MTMR9: variants seen among roughly 807,000 people sequenced by gnomAD.
The protein encoded by MTMR9 is myotubularin related protein 9, also known as myotubularin-related protein 9.
MTMR9 carries 39 observed loss-of-function variants against 69.5 expected under a neutral mutation model. The ratio of observed to expected loss-of-function variants is 0.56; its 90% CI spans 0.43 to 0.73. MTMR9 has a LOEUF of 0.73. Among genes scored for constraint, MTMR9 ranks in the 30% least tolerant of loss-of-function variants. MTMR9 has a pLI of 0.00. For synonymous variants in MTMR9, 354 were observed against 240.8 expected, an observed-to-expected ratio of 1.47 and a Z score of -4.35; for missense variants, 900 against 671.2, an observed-to-expected ratio of 1.34 and a Z score of -3.77.
chr8:11,285,123 C>A, intron 1 of MTMR9, 53 bp downstream of exon 1: 2 of 1,455,706 alleles, frequency 1.4e-6, no homozygotes, highest in Non-Finnish European at 1.8e-6. Context: ...CCCTTGTGGG[C>A]GCCCCGGGAA....
intron 1 of MTMR9, among the ~76,000 whole-genome samples, chr8:11,288,807 C>T (rs1411040307): frequency 6.6e-6 from 1 of 152,178 alleles, no homozygotes; most frequent in African/African-American, 2.4e-5. Context: ...TGGCTGCTGG[C>T]AGAAAATAAA....
chr8:11,325,785 A>G lies in MTMR9; in HGVS notation c.*2997A>G, dbSNP rs1371627638. ...CAAAATTTTTTATTTTGATTTTATTAAATGGGAAGAAAGCAAGCAGAAATA... is the reference window on the plus strand; with the variant it reads ...CAAAATTTTTTATTTTGATTTTATTGAATGGGAAGAAAGCAAGCAGAAATA... On this transcript the variant is annotated 3_prime_UTR_variant, in exon 10 of 10. Transcript: ENST00000221086. The G allele has an allele frequency of 6.6e-6, 1 of 152,022 alleles. No individual in the cohort carries two copies. The highest frequency in any genetic ancestry group is 1.5e-5 in the Non-Finnish European group (1 of 68,014). 9.4% of individuals were successfully genotyped at this position (152,022 alleles called of 1,614,324 possible).
chr8:11,285,142 T>C (rs1220823744), intron 1 of MTMR9, 72 bp downstream of exon 1: 1 of 1,407,894 alleles, frequency 7.1e-7, no homozygotes, highest in East Asian at 2.6e-5. Context: ...AAATACTTCC[T>C]GGCGTTTTCC....
At chr8:11,305,407 T>C (rs142729523) in intron 4 of MTMR9, among the ~76,000 whole-genome samples, 441 of 152,324 alleles carry the variant, frequency 2.9e-3, no homozygotes, top group African/African-American at 0.01. Context: ...AGCAGACGTA[T>C]TTATTTTCAA....
At chr8:11,331,687 T>G (rs779368861), downstream of MTMR9, 8 of 1,611,940 alleles carry the variant, frequency 5.0e-6, no homozygotes, top group South Asian at 7.7e-5. Context: ...CTGGGCTATG[T>G]GCAGGCTTTC....
Position 11,322,858 on chromosome 8 carries a change from A to G in MTMR9, c.*70A>G. 1.6e-5 allele frequency: 23 copies of G among 1,458,266 alleles called. No individual in the cohort carries two copies. In the South Asian group the frequency reaches 1.7e-4, roughly 11 times the overall value. 90.3% of individuals were successfully genotyped at this position (1,458,266 alleles called of 1,614,324 possible). A position where few individuals can be genotyped will look rare whatever the true frequency, so the allele number is the denominator to read the frequency against. On this transcript the variant is annotated 3_prime_UTR_variant, in exon 10 of 10. Coordinates refer to ENST00000221086, the MANE Select transcript of MTMR9 (RefSeq NM_015458.4). ...CCGCCGTTCTCTCCTTGTGCCCTTC[A>G]GTTCACTTTTACACGGTAGCCTTGA...
At chr8:11,285,139 TC>T in intron 1 of MTMR9, 69 bp downstream of exon 1, 1 of 1,420,220 alleles carries the variant, frequency 7.0e-7, no homozygotes, top group Non-Finnish European at 9.4e-7. Flanking sequence ...GGGAAATACT[TC>T]CTGGCGTTTT....
rs1376755878 is a variant in MTMR9, at chr8:11,284,922, G to C, written c.34G>C (p.Val12Leu). 1 of 1,611,880 alleles carries C rather than the reference G, an allele frequency of 6.2e-7. No homozygotes were observed. Among genetic ancestry groups the C allele is most frequent in the Admixed American group, 1.7e-5 (1 of 59,700 alleles). The change falls in exon 1 of 10, where the codon GTG (valine) becomes CTG (leucine). Residue 12 changes from valine to leucine, a missense_variant. Coordinates refer to ENST00000221086, the MANE Select transcript of MTMR9 (RefSeq NM_015458.4). Reference protein sequence around the residue: ...EFAELIKTPRVDNVVLHRPFY... With the variant: ...EFAELIKTPRLDNVVLHRPFY... ...TGCGGAGCTGATTAAGACCCCGCGG[G>C]TGGACAATGTGGTGCTGCACCGGCC...
In MTMR9 at chr8:11,284,831, C is replaced by T. The variant is rs1799080809; in HGVS notation, c.-58C>T. The stretch of plus-strand genomic sequence containing the variant: ...GGGTGTTTCCGCTACTTCCCTGCGG[C>T]GGGGTAACCGCCTCGCACCTACCGG... On this transcript the variant is annotated 5_prime_UTR_variant, in exon 1 of 10. Transcript: ENST00000221086. 9 of 1,460,034 alleles carry T rather than the reference C, an allele frequency of 6.2e-6. No individual in the cohort carries two copies. The highest frequency in any genetic ancestry group is 8.3e-6 in the Non-Finnish European group (9 of 1,085,256). The allele number at this position is 1,460,034 out of a possible 1,614,324, so 90.4% of individuals were successfully genotyped here.
At chr8:11,334,508 A>G in the MTMR9 span, among the ~76,000 whole-genome samples, 1 of 152,192 alleles carries the variant, frequency 6.6e-6, no homozygotes, top group Non-Finnish European at 1.5e-5. Context: ...GAAAATATCT[A>G]TGGAAAACAC....
Position 11,322,840 on chromosome 8 carries a change from T to G in MTMR9, c.*52T>G, listed in dbSNP as rs1205826237. 5.2e-6 allele frequency: 8 copies of G among 1,543,086 alleles called. No homozygotes were observed. The highest frequency in any genetic ancestry group is 6.2e-6 in the Non-Finnish European group (7 of 1,135,718). ...ACCTTCTTGGGCCTGTGTCCGCCGT[T>G]CTCTCCTTGTGCCCTTCAGTTCACT... On this transcript the variant is annotated 3_prime_UTR_variant, in exon 10 of 10. Transcript: ENST00000221086.
chr8:11,321,377 C>T (rs1207921608), intron 9 of MTMR9: 1 of 456,144 alleles, frequency 2.2e-6, no homozygotes, highest in Admixed American at 2.3e-5. Context: ...ACTTCTGGGA[C>T]AATGTACTTA....
intron 1 of MTMR9, among the ~76,000 whole-genome samples, chr8:11,287,594 C>G (rs1799208200): frequency 1.3e-5 from 2 of 150,060 alleles, no homozygotes; most frequent in African/African-American, 2.5e-5. Flanking sequence ...GCAGTGGTGA[C>G]TAAGACAAGA....
rs1800437970 is a variant in MTMR9, at chr8:11,316,812, A to G, written c.1253A>G (p.Asn418Ser). The G allele has an allele frequency of 1.9e-6, 3 of 1,613,814 alleles. No individual in the cohort carries two copies. Among genetic ancestry groups the G allele is most frequent in the Non-Finnish European group, 2.5e-6 (3 of 1,179,898 alleles). Reference protein sequence around the residue: ...LRQFPCSFEFNENFLIMLFEH... With the variant: ...LRQFPCSFEFSENFLIMLFEH... ...CAGTTTCCCTGTTCTTTTGAGTTTA[A>G]TGAGAATTTCCTCATCATGCTCTTT... is the stretch of plus-strand genomic sequence containing the variant. Residue 418 changes from asparagine (N) to serine (S), a missense_variant, in exon 8 of 10, where the codon AAT becomes AGT. Transcript: ENST00000221086.
At chr8:11,308,397 C>T (rs185560331) in intron 5 of MTMR9, among the ~76,000 whole-genome samples, 99 of 152,268 alleles carry the variant, frequency 6.5e-4, no homozygotes, top group African/African-American at 2.3e-3. Flanking sequence ...GTCAATGTGT[C>T]TGTTTTTATG....
chr8:11,328,975 G>A (rs1459133026), downstream of MTMR9, among the ~76,000 whole-genome samples: 1 of 152,170 alleles, frequency 6.6e-6, no homozygotes, highest in Non-Finnish European at 1.5e-5. Flanking sequence ...TAAGGTAAGG[G>A]CCCAATTTCA....
chr8:11,294,102 A>T (rs957224952), intron 1 of MTMR9, among the ~76,000 whole-genome samples: 5 of 152,242 alleles, frequency 3.3e-5, no homozygotes, highest in African/African-American at 1.2e-4. Flanking sequence ...GTTTGGAATT[A>T]TGTTGTATCA....
chr8:11,318,121 T>A (rs1237371695), intron 8 of MTMR9: 1 of 152,202 alleles, frequency 6.6e-6, no homozygotes, highest in African/African-American at 2.4e-5. Flanking sequence ...ATGATGAATT[T>A]TTTTTGGTGT....
At chr8:11,287,229 G>T (rs1799194920) in intron 1 of MTMR9, among the ~76,000 whole-genome samples, 1 of 152,210 alleles carries the variant, frequency 6.6e-6, no homozygotes, top group South Asian at 2.1e-4. Context: ...ACCGCTGAAT[G>T]GTCAGATGCC....
Sources: allele counts gnomAD v4.1 joint callset (sites outside exome capture counted in the v4.1 genomes callset), GRCh38; gene constraint gnomAD v4.1.1; transcripts MANE v1.5; gene names NCBI Gene and HGNC (gene_info 2026-07-23, HGNC 2026-07-21).